Variants in CELF2 observed in about 807,000 individuals in gnomAD.
The protein encoded by CELF2 is CUGBP Elav-like family member 2.
Under a neutral mutation model 62.6 loss-of-function variants are expected in CELF2, and 8 were observed. That is an observed-to-expected ratio of 0.13 (90% CI 0.07 to 0.23). The LOEUF is 0.23. Among genes scored for constraint, CELF2 ranks in the 10% least tolerant of loss-of-function variants. The pLI, the probability that CELF2 is intolerant of heterozygous loss-of-function variation, is 1.00. For missense variants in CELF2, 333 were observed against 671.0 expected, an observed-to-expected ratio of 0.50 and a Z score of 5.56; for synonymous variants, 258 against 250.0, an observed-to-expected ratio of 1.03 and a Z score of -0.30.
chr10:11,016,890 G>T (rs537874031), upstream of CELF2, among the ~76,000 whole-genome samples: 1 of 152,264 alleles, frequency 6.6e-6, no homozygotes, highest in East Asian at 1.9e-4. This position sits in a 1 kb window ranked among gnomAD's most constrained non-coding sequence, Gnocchi z 5.2. Flanking sequence ...TCAAGTGAAG[G>T]TTTCTCTAAG....
At chr10:11,071,628 C>T (rs998679731) in intron 1 of CELF2, 2 of 152,190 alleles carry the variant, frequency 1.3e-5, no homozygotes, top group Non-Finnish European at 2.9e-5. Context: ...TCAAGATCAG[C>T]TCCCTTTCTT....
chr10:10,792,230 G>A, the CELF2 span: 5 of 395,284 alleles, frequency 1.3e-5, no homozygotes, highest in Non-Finnish European at 2.2e-5. Context: ...ATATTTGTGT[G>A]CAGTGGTTAC....
the CELF2 span, among the ~76,000 whole-genome samples, chr10:10,483,057 G>A: frequency 6.6e-6 from 1 of 151,964 alleles, no homozygotes; most frequent in Admixed American, 6.6e-5. Flanking sequence ...TCATGTGGCT[G>A]GTGTGTCCCC....
Position 11,305,100 on chromosome 10 carries a change from C to T in CELF2, c.977-9039C>T, listed in dbSNP as rs2094102090. 6.6e-6 allele frequency among the ~76,000 whole-genome samples: 1 copy of T among 152,170 alleles called. No individual in the cohort carries two copies. Among genetic ancestry groups the T allele is most frequent in the Non-Finnish European group, 1.5e-5 (1 of 68,020 alleles). ...CTGGCCCAGTGGATACAGGTCCTTC[C>T]CAGTTCTACCAGTCTGATAGTCACC... On this transcript the variant is annotated intron_variant, in intron 9 of 12. Transcript: ENST00000633077. This position sits in a 1 kb window ranked among gnomAD's most constrained non-coding sequence, Gnocchi z 4.8.
chr10:11,289,180 TG>T (rs1170241959), intron 9 of CELF2, among the ~76,000 whole-genome samples: 1 of 152,146 alleles, frequency 6.6e-6, no homozygotes, highest in African/African-American at 2.4e-5. Context: ...GGTTTTGTTT[TG>T]TTTTTTTTTA....
the CELF2 span, among the ~76,000 whole-genome samples, chr10:10,727,668 CG>C: frequency 6.6e-6 from 1 of 151,334 alleles, no homozygotes; most frequent in Non-Finnish European, 1.5e-5. Flanking sequence ...CCCAGCTATT[CG>C]GGAGGCTGAG....
chr10:10,553,723 GA>G, the CELF2 span, among the ~76,000 whole-genome samples: 12 of 152,166 alleles, frequency 7.9e-5, no homozygotes, highest in South Asian at 1.2e-3. Flanking sequence ...AGTCATCTGT[GA>G]AAGAGGATTT....
chr10:10,866,348 A>G (rs1177913914), intron 1 of CELF2, among the ~76,000 whole-genome samples: 2 of 123,546 alleles, frequency 1.6e-5, no homozygotes, highest in African/African-American at 7.0e-5. Context: ...GTGATGACTC[A>G]TGCCTGTAAT....
At chr10:11,100,416 G>A (rs924145135) in intron 1 of CELF2, among the ~76,000 whole-genome samples, 2 of 149,138 alleles carry the variant, frequency 1.3e-5, no homozygotes, top group African/African-American at 2.4e-5. Context: ...GGTTGTTTTG[G>A]TTACATGGAT....
chr10:10,479,441 A>G, the CELF2 span, among the ~76,000 whole-genome samples: 1 of 152,204 alleles, frequency 6.6e-6, no homozygotes, highest in African/African-American at 2.4e-5. Context: ...TGCTGGGATT[A>G]CAGGCATGAG....
At chr10:11,176,850 C>G (rs2071363356) in intron 2 of CELF2, among the ~76,000 whole-genome samples, 1 of 152,164 alleles carries the variant, frequency 6.6e-6, no homozygotes, top group African/African-American at 2.4e-5. Context: ...TACATAGCCT[C>G]TTGTACTGCA....
At position 11,157,296 on chromosome 10, in the gene CELF2, T is replaced by C. The variant is rs1475574964; in HGVS notation, c.75-8190T>C. On this transcript the variant is annotated intron_variant, in intron 1 of 12. Transcript: ENST00000633077. The surrounding 1 kb of genome is among the most constrained non-coding windows in gnomAD (Gnocchi z 4.9). ...AGCTCCCTTCCTTGTTAGAGCCGCC[T>C]TTTTCTCCCCAGTTTTTTGTTTCGT... 6.6e-6 allele frequency among the ~76,000 whole-genome samples: 1 copy of C among 152,120 alleles called. No individual in the cohort carries two copies. The highest frequency in any genetic ancestry group is 1.5e-5 in the Non-Finnish European group (1 of 68,028).
the CELF2 span, among the ~76,000 whole-genome samples, chr10:10,736,120 T>C: frequency 6.6e-6 from 1 of 152,206 alleles, no homozygotes; most frequent in African/African-American, 2.4e-5. Flanking sequence ...AGAATTTATT[T>C]TTCATTCTTT....
At chr10:10,496,377 T>C in the CELF2 span, among the ~76,000 whole-genome samples, 1 of 152,194 alleles carries the variant, frequency 6.6e-6, no homozygotes, top group African/African-American at 2.4e-5. Context: ...TATACTACCA[T>C]AGTAGTCTCC....
chr10:10,843,425 A>G (rs2058812482), intron 1 of CELF2, among the ~76,000 whole-genome samples: 1 of 152,032 alleles, frequency 6.6e-6, no homozygotes, highest in Non-Finnish European at 1.5e-5. Flanking sequence ...TATGCAGATA[A>G]TGCTACATAT....
At chr10:10,494,668 C>T in the CELF2 span, among the ~76,000 whole-genome samples, 2 of 152,298 alleles carry the variant, frequency 1.3e-5, no homozygotes, top group African/African-American at 4.8e-5. Flanking sequence ...TTCTCTTAAA[C>T]CAATCACAGA....
At chr10:10,884,992 C>T (rs988351850) in intron 1 of CELF2, among the ~76,000 whole-genome samples, 1 of 152,108 alleles carries the variant, frequency 6.6e-6, no homozygotes, top group Admixed American at 6.6e-5. Flanking sequence ...GCCTGTAATC[C>T]CAACACTTTG....
intron 1 of CELF2, among the ~76,000 whole-genome samples, chr10:11,079,411 C>G (rs2073234042): frequency 6.6e-6 from 1 of 152,132 alleles, no homozygotes; most frequent in Admixed American, 6.5e-5. Context: ...CTCTGTGTCC[C>G]CACCCAAATC....
chr10:10,730,263 G>T, the CELF2 span, among the ~76,000 whole-genome samples: 1 of 152,152 alleles, frequency 6.6e-6, no homozygotes, highest in African/African-American at 2.4e-5. Flanking sequence ...GATCACTTGA[G>T]GCCGGGAGTT....
Sources: gnomAD v4.1 joint callset for allele counts (sites outside exome capture counted in the v4.1 genomes callset) on GRCh38, gnomAD v4.1.1 for gene constraint, Gnocchi (gnomAD v3.1) non-coding constraint, MANE v1.5 for transcripts, NCBI Gene and HGNC (gene_info 2026-07-23, HGNC 2026-07-21) for gene names.